ASTN2: variants seen among roughly 807,000 people sequenced by gnomAD.
ASTN2 encodes the protein astrotactin-2.
Under a neutral mutation model 139.8 loss-of-function variants are expected in ASTN2, and 54 were observed. The ratio of observed to expected loss-of-function variants is 0.39; its 90% CI spans 0.31 to 0.48. ASTN2 has a LOEUF of 0.48. Among genes scored for constraint, ASTN2 ranks in the 20% least tolerant of loss-of-function variants. The probability of loss-of-function intolerance (pLI) is 0.95; values close to 1 mark genes in which losing one functional copy is unlikely to be tolerated. For missense variants in ASTN2, 1,565 were observed against 1,725.1 expected (o/e 0.91, Z 1.64); for synonymous variants, 756 against 719.5 (o/e 1.05, Z -0.81).
chr9:117,351,456 G>C (rs184291592), intron 1 of ASTN2, among the ~76,000 whole-genome samples: 1 of 151,980 alleles, frequency 6.6e-6, no homozygotes, highest in Non-Finnish European at 1.5e-5. Context: ...CTGTTTTCTC[G>C]GCCTAAGCTG....
intron 1 of ASTN2, among the ~76,000 whole-genome samples, chr9:117,313,151 A>G (rs1178522787): frequency 2.0e-5 from 3 of 152,164 alleles, no homozygotes; most frequent in Admixed American, 1.3e-4. Flanking sequence ...GGCAATCTCA[A>G]TCTCCTCTGC....
intron 16 of ASTN2, among the ~76,000 whole-genome samples, chr9:116,721,626 C>G (rs1272471831): frequency 6.6e-6 from 1 of 152,184 alleles, no homozygotes; most frequent in Non-Finnish European, 1.5e-5. Context: ...CTAATCATGT[C>G]TGGAACCTAG....
chr9:117,222,169 C>A (rs577924184), intron 2 of ASTN2, among the ~76,000 whole-genome samples: 1 of 152,254 alleles, frequency 6.6e-6, no homozygotes, highest in South Asian at 2.1e-4. Flanking sequence ...CTAAGGCACA[C>A]ATGGAAACTG....
intron 4 of ASTN2, among the ~76,000 whole-genome samples, chr9:117,109,899 A>G (rs7866734): frequency 0.058 from 8,844 of 152,072 alleles, 546 homozygotes; most frequent in East Asian, 0.18. Flanking sequence ...TTAGTTTCCT[A>G]TACAAGTATA....
At chr9:117,170,570 AG>A (rs1830768420) in intron 3 of ASTN2, among the ~76,000 whole-genome samples, 1 of 152,144 alleles carries the variant, frequency 6.6e-6, no homozygotes, top group African/African-American at 2.4e-5. Flanking sequence ...AAGATCAGGC[AG>A]GAAAAAGAAG....
intron 16 of ASTN2, among the ~76,000 whole-genome samples, chr9:116,671,880 G>A (rs1418747929): frequency 1.3e-5 from 2 of 152,072 alleles, no homozygotes; most frequent in African/African-American, 4.8e-5. Context: ...TGAGACCACA[G>A]CTTCTGCCAT....
At chr9:116,481,971 G>C (rs1849183401) in intron 20 of ASTN2, among the ~76,000 whole-genome samples, 1 of 152,168 alleles carries the variant, frequency 6.6e-6, no homozygotes, top group African/African-American at 2.4e-5. Context: ...ATGTGACATT[G>C]GGGAAAATGA....
At chr9:116,443,727 C>T (rs915838555) in intron 20 of ASTN2, among the ~76,000 whole-genome samples, 4 of 152,078 alleles carry the variant, frequency 2.6e-5, no homozygotes, top group African/African-American at 7.2e-5. Context: ...AAGGGTTGAG[C>T]ATCTGAGTGT....
At chr9:117,280,339 T>C (rs1157021371) in intron 2 of ASTN2, among the ~76,000 whole-genome samples, 2 of 152,150 alleles carry the variant, frequency 1.3e-5, no homozygotes, top group African/African-American at 2.4e-5. Flanking sequence ...CCCAGAAAGA[T>C]ATGCCCACAC....
chr9:117,127,238 T>C (rs370476161), intron 4 of ASTN2, among the ~76,000 whole-genome samples: 1 of 152,202 alleles, frequency 6.6e-6, no homozygotes, highest in Admixed American at 6.5e-5. Context: ...GAACGCAAGA[T>C]GATTTCTTTG....
intron 7 of ASTN2, among the ~76,000 whole-genome samples, chr9:117,000,340 TA>T (rs1837159554): frequency 1.3e-5 from 2 of 152,220 alleles, no homozygotes; most frequent in Admixed American, 1.3e-4. Context: ...CTCAGGAAGA[TA>T]TCCCAATTCT....
chr9:116,802,384 C>T (rs566057604), intron 13 of ASTN2, among the ~76,000 whole-genome samples: 14 of 152,278 alleles, frequency 9.2e-5, no homozygotes, highest in African/African-American at 2.4e-4. Context: ...CCACAACCAG[C>T]GGTGCCATGC....
At chr9:117,119,077 G>A (rs775633489) in intron 4 of ASTN2, among the ~76,000 whole-genome samples, 9 of 152,174 alleles carry the variant, frequency 5.9e-5, no homozygotes, top group Non-Finnish European at 1.2e-4. Flanking sequence ...TAAGTGCCCA[G>A]CATTGGGTAG....
At chr9:117,378,325 A>G (rs1395109646) in intron 1 of ASTN2, among the ~76,000 whole-genome samples, 1 of 152,172 alleles carries the variant, frequency 6.6e-6, no homozygotes, top group Non-Finnish European at 1.5e-5. Flanking sequence ...TTGGGTGTCC[A>G]TGTTATGGAG....
intron 6 of ASTN2, among the ~76,000 whole-genome samples, chr9:117,031,494 G>C (rs1276818920): frequency 6.6e-6 from 1 of 152,066 alleles, no homozygotes; most frequent in Non-Finnish European, 1.5e-5. Context: ...CCTGTCCAAG[G>C]TTCTGAACAT....
chr9:117,032,828 A>G (rs1838285049), intron 6 of ASTN2, among the ~76,000 whole-genome samples: 1 of 152,168 alleles, frequency 6.6e-6, no homozygotes, highest in Admixed American at 6.6e-5. Context: ...ATACTTGATG[A>G]TTTCATGGGC....
intron 1 of ASTN2, among the ~76,000 whole-genome samples, chr9:117,359,025 T>C (rs1829624404): frequency 6.6e-6 from 1 of 152,110 alleles, no homozygotes; most frequent in South Asian, 2.1e-4. Flanking sequence ...CCTCTAAGAG[T>C]AAACCTGGAT....
At chr9:117,410,881 A>G (rs1388451137) in intron 1 of ASTN2, among the ~76,000 whole-genome samples, 1 of 152,170 alleles carries the variant, frequency 6.6e-6, no homozygotes, top group Non-Finnish European at 1.5e-5. Flanking sequence ...CATTTAACTC[A>G]TATTTCAGTT....
At chr9:116,460,779 G>A (rs531717099) in intron 20 of ASTN2, among the ~76,000 whole-genome samples, 9 of 152,096 alleles carry the variant, frequency 5.9e-5, no homozygotes, top group Non-Finnish European at 1.3e-4. Flanking sequence ...GTGAGTACTT[G>A]GTCTCCTCCA....
Sources: gnomAD v4.1 joint callset for allele counts (sites outside exome capture counted in the v4.1 genomes callset) on GRCh38, gnomAD v4.1.1 for gene constraint, MANE v1.5 for transcripts, NCBI Gene and HGNC (gene_info 2026-07-23, HGNC 2026-07-21) for gene names.